The following TLL1 variants were observed in gnomAD, a reference collection of about 807,000 sequenced individuals.
TLL1 encodes tolloid like 1.
Under a neutral mutation model 128.2 loss-of-function variants are expected in TLL1, and 49 were observed. That is an observed-to-expected ratio of 0.38 (90% CI 0.30 to 0.48). The LOEUF (loss-of-function observed/expected upper bound fraction) is 0.48, where lower values mean the gene tolerates loss of function less well. Ranked by LOEUF, TLL1 falls within the 20% of genes least tolerant of loss-of-function variation. TLL1 has a pLI of 0.96. For synonymous variants in TLL1, 454 were observed against 418.8 expected (o/e 1.08, Z -1.03); for missense variants, 1,123 against 1,242.0 (o/e 0.90, Z 1.44).
intron 1 of TLL1, among the ~76,000 whole-genome samples, chr4:165,952,066 CTT>C (rs1313143390): frequency 1.3e-5 from 2 of 152,096 alleles, no homozygotes; most frequent in Admixed American, 6.6e-5. Context: ...AAAAAGTTGA[CTT>C]TTCAAAATTA....
At chr4:165,994,011 C>G (rs1447917333) in intron 3 of TLL1, among the ~76,000 whole-genome samples, 1 of 152,036 alleles carries the variant, frequency 6.6e-6, no homozygotes, top group Non-Finnish European at 1.5e-5. Flanking sequence ...TATCATGGGA[C>G]TTTATTAAAC....
intron 8 of TLL1, among the ~76,000 whole-genome samples, chr4:166,023,266 G>T (rs1055154337): frequency 4.6e-5 from 7 of 152,110 alleles, no homozygotes; most frequent in African/African-American, 1.2e-4. Context: ...TGGGAGTGTT[G>T]GTGCATGCCT....
intron 1 of TLL1, among the ~76,000 whole-genome samples, chr4:165,933,329 G>T (rs1733613930): frequency 6.6e-6 from 1 of 152,020 alleles, no homozygotes; most frequent in South Asian, 2.1e-4. Flanking sequence ...TCTGAGTGTT[G>T]TTCCCCAGGT....
intron 1 of TLL1, among the ~76,000 whole-genome samples, chr4:165,934,054 A>G (rs1385892521): frequency 6.6e-6 from 1 of 151,742 alleles, no homozygotes; most frequent in African/African-American, 2.4e-5. Flanking sequence ...GCTGGAGTGC[A>G]ATGTCACGAT....
intron 8 of TLL1, among the ~76,000 whole-genome samples, chr4:166,019,711 A>T (rs1335930475): frequency 6.6e-6 from 1 of 152,172 alleles, no homozygotes; most frequent in Non-Finnish European, 1.5e-5. Flanking sequence ...GAACTTTACT[A>T]AATGATATAT....
At chr4:166,032,257 G>A (rs1258426281) in intron 9 of TLL1, among the ~76,000 whole-genome samples, 2 of 152,072 alleles carry the variant, frequency 1.3e-5, no homozygotes, top group African/African-American at 2.4e-5. Flanking sequence ...TAAAAGTGTA[G>A]TATTACAAAT....
intron 14 of TLL1, 88 bp from the exon 15 acceptor site, chr4:166,059,940 A>G (rs1457593961): frequency 2.0e-6 from 3 of 1,476,876 alleles, no homozygotes; most frequent in Non-Finnish European, 1.9e-6. Context: ...TTTAGTGCTG[A>G]GATGTTTGGG....
At chr4:165,918,540 T>C (rs571677533) in intron 1 of TLL1, among the ~76,000 whole-genome samples, 1 of 152,202 alleles carries the variant, frequency 6.6e-6, no homozygotes, top group Admixed American at 6.5e-5. Context: ...TACAATGATA[T>C]CAATTATAAA....
At chr4:165,945,504 C>T (rs1734205491) in intron 1 of TLL1, among the ~76,000 whole-genome samples, 1 of 151,942 alleles carries the variant, frequency 6.6e-6, no homozygotes, top group African/African-American at 2.4e-5. Flanking sequence ...TATATGACAA[C>T]ATCATAGTGA....
chr4:166,099,018 G>A (rs1354260807), intron 19 of TLL1, among the ~76,000 whole-genome samples: 1 of 151,958 alleles, frequency 6.6e-6, no homozygotes, highest in Non-Finnish European at 1.5e-5. Flanking sequence ...GAAAAATATG[G>A]CTCAAAGACA....
intron 1 of TLL1, among the ~76,000 whole-genome samples, chr4:165,881,637 T>C (rs1415706063): frequency 6.6e-6 from 1 of 152,140 alleles, no homozygotes; most frequent in Non-Finnish European, 1.5e-5. Flanking sequence ...CTCCTCCTTC[T>C]TGAGAGCATT....
At chr4:166,096,356 A>T (rs1009354158) in intron 19 of TLL1, among the ~76,000 whole-genome samples, 7 of 148,788 alleles carry the variant, frequency 4.7e-5, no homozygotes, top group Non-Finnish European at 5.9e-5. Context: ...GGCGGGGGGA[A>T]CTTCTTGTTG....
intron 1 of TLL1, among the ~76,000 whole-genome samples, chr4:165,931,757 A>T (rs1275426593): frequency 6.6e-6 from 1 of 151,338 alleles, no homozygotes; most frequent in Non-Finnish European, 1.5e-5. Flanking sequence ...TTAACTTCAG[A>T]TACTGCACGG....
chr4:165,949,732 A>G (rs1042478710), intron 1 of TLL1, among the ~76,000 whole-genome samples: 2 of 152,092 alleles, frequency 1.3e-5, no homozygotes, highest in Non-Finnish European at 2.9e-5. Context: ...ATTCACTACC[A>G]CAAGAACAGC....
Position 165,930,369 on chromosome 4 carries a change from C to A in TLL1, c.169+56296C>A, listed in dbSNP as rs528230643. ...ATGATATAGGAGAATTTAAAGTATT[C>A]TGAGTTCTTAAAGACTATTCACTAT... On this transcript the variant is annotated intron_variant, in intron 1 of 20. Transcript: ENST00000061240. Among the ~76,000 whole-genome samples the A allele has an allele frequency of 3.4e-4, 52 of 152,202 alleles. 1 individual carries two copies. The South Asian group carries it at 0.011, about 31-fold the overall frequency.
At chr4:166,083,874 T>A (rs935606318) in intron 18 of TLL1, among the ~76,000 whole-genome samples, 1 of 152,126 alleles carries the variant, frequency 6.6e-6, no homozygotes, top group African/African-American at 2.4e-5. Flanking sequence ...TCCTTCAACA[T>A]CCTGATTTCA....
intron 16 of TLL1, among the ~76,000 whole-genome samples, chr4:166,066,721 G>A (rs777542136): frequency 6.6e-5 from 10 of 151,620 alleles, no homozygotes; most frequent in Non-Finnish European, 1.5e-4. Context: ...GAAGTTAATG[G>A]TTCACAAGCT....
At chr4:166,031,946 A>G (rs1426679894) in intron 9 of TLL1, among the ~76,000 whole-genome samples, 2 of 152,160 alleles carry the variant, frequency 1.3e-5, no homozygotes, top group Admixed American at 6.6e-5. Flanking sequence ...CACCCTACTG[A>G]CATTAGTACT....
chr4:166,021,985 A>C (rs1738262576), intron 8 of TLL1, among the ~76,000 whole-genome samples: 1 of 152,198 alleles, frequency 6.6e-6, no homozygotes, highest in African/African-American at 2.4e-5. Context: ...AATGTATTTT[A>C]AAATGTTCTA....
Sources: allele counts gnomAD v4.1 joint callset (sites outside exome capture counted in the v4.1 genomes callset), GRCh38; gene constraint gnomAD v4.1.1; transcripts MANE v1.5; gene names NCBI Gene and HGNC (gene_info 2026-07-23, HGNC 2026-07-21).